RBM33: variants seen among roughly 807,000 people sequenced by gnomAD.
RBM33 encodes the protein RNA binding motif protein 33.
A neutral mutation model predicts 132.6 loss-of-function variants in RBM33; 28 were observed. The ratio of observed to expected loss-of-function variants is 0.21; its 90% CI spans 0.16 to 0.29. RBM33 has a LOEUF of 0.29. RBM33 is among the 10% of genes least tolerant of loss of function. RBM33 has a pLI of 1.00. For synonymous variants in RBM33, 634 were observed against 593.0 expected, an observed-to-expected ratio of 1.07 and a Z score of -1.01; for missense variants, 1,291 against 1,518.5, an observed-to-expected ratio of 0.85 and a Z score of 2.49.
intron 7 of RBM33, among the ~76,000 whole-genome samples, chr7:155,707,940 G>A (rs1180321553): frequency 1.3e-5 from 2 of 152,200 alleles, no homozygotes; most frequent in East Asian, 1.9e-4. Flanking sequence ...GATTACGGGC[G>A]TGAGCCACTG....
chr7:155,672,488 G>C (rs1166772876), intron 2 of RBM33, among the ~76,000 whole-genome samples: 1 of 152,200 alleles, frequency 6.6e-6, no homozygotes, highest in Non-Finnish European at 1.5e-5. Context: ...CGGGCATGGT[G>C]GCTCATGCCT....
chr7:155,667,587 C>T lies in RBM33; in HGVS notation c.122+2334C>T, dbSNP rs115194085. On this transcript the variant is annotated intron_variant, in intron 2 of 17. Coordinates refer to ENST00000401878, the MANE Select transcript of RBM33 (RefSeq NM_053043.3). Reference sequence around the variant, plus strand: ...GAATTCTGTAGCCTGTCTTTTATGACGTTGACAGGCCATTTATCTTGGGTT... The same window carrying T: ...GAATTCTGTAGCCTGTCTTTTATGATGTTGACAGGCCATTTATCTTGGGTT... Among the ~76,000 whole-genome samples, 823 of 152,198 alleles carry T rather than the reference C, an allele frequency of 5.4e-3. 8 individuals are homozygous for T. Among genetic ancestry groups the T allele is most frequent in the African/African-American group, 0.018 (753 of 41,520 alleles).
intron 9 of RBM33, among the ~76,000 whole-genome samples, chr7:155,734,947 C>G (rs564768554): frequency 1.3e-5 from 2 of 152,200 alleles, no homozygotes; most frequent in East Asian, 3.9e-4. Flanking sequence ...TATTGTCATT[C>G]AGAAAGTTTT....
At position 155,779,314 on chromosome 7, in the gene RBM33, A is replaced by C. The variant is rs1802733279; in HGVS notation, c.*4273A>C. 6.6e-6 allele frequency: 1 copy of C among 151,860 alleles called. No individual in the cohort carries two copies. Among genetic ancestry groups the C allele is most frequent in the Non-Finnish European group, 1.5e-5 (1 of 68,004 alleles). 9.4% of individuals were successfully genotyped at this position (151,860 alleles called of 1,614,324 possible). ...GACGATTCTACCAGGGAGTTGACTG[A>C]TAGGAGTGTGTGCAGGGCAGGAAAG... On this transcript the variant is annotated 3_prime_UTR_variant, in exon 18 of 18. Transcript: ENST00000401878.
Position 155,718,524 on chromosome 7 carries a change from G to T in RBM33, c.1260+81G>T, listed in dbSNP as rs76032843. The T allele has an allele frequency of 7.1e-6, 8 of 1,120,274 alleles. 1 individual carries two copies. Among genetic ancestry groups the T allele is most frequent in the Middle Eastern group, 2.1e-4 (1 of 4,702 alleles). 69.4% of individuals were successfully genotyped at this position (1,120,274 alleles called of 1,614,324 possible). On this transcript the variant is annotated intron_variant, in intron 9 of 17. Coordinates refer to ENST00000401878, the MANE Select transcript of RBM33 (RefSeq NM_053043.3). Reference sequence around the variant, plus strand: ...AATATTAATATAGCAAGTGCAAGAGGTTCCAGCCAAATATAATTTTAAGGA... The same window carrying T: ...AATATTAATATAGCAAGTGCAAGAGTTTCCAGCCAAATATAATTTTAAGGA...
intron 5 of RBM33, among the ~76,000 whole-genome samples, chr7:155,684,426 A>G (rs2116929413): frequency 6.6e-6 from 1 of 152,174 alleles, no homozygotes; most frequent in Middle Eastern, 3.4e-3. Context: ...TACGCCCCTT[A>G]AGTTTCATAC....
intron 13 of RBM33, 144 bp from the exon 14 acceptor site, chr7:155,744,817 A>T: frequency 1.3e-6 from 1 of 787,728 alleles, no homozygotes; most frequent in Non-Finnish European, 1.9e-6. Flanking sequence ...AGTTATACTT[A>T]AAGTCTTCAA....
At chr7:155,771,827 C>T (rs1479188118) in intron 16 of RBM33, among the ~76,000 whole-genome samples, 1 of 152,102 alleles carries the variant, frequency 6.6e-6, no homozygotes, top group East Asian at 1.9e-4. Flanking sequence ...GCAACCTCCA[C>T]CTGCTGGGCT....
At chr7:155,736,174 T>C (rs762125275) in intron 9 of RBM33, among the ~76,000 whole-genome samples, 9 of 152,346 alleles carry the variant, frequency 5.9e-5, no homozygotes, top group Non-Finnish European at 1.2e-4. Flanking sequence ...AACAGACTTT[T>C]GTAGGGAGAA....
intron 14 of RBM33, among the ~76,000 whole-genome samples, chr7:155,753,214 A>G (rs1483907034): frequency 2.0e-5 from 3 of 152,246 alleles, no homozygotes; most frequent in Non-Finnish European, 4.4e-5. Context: ...AAAAGCATGA[A>G]TCATTACTAA....
chr7:155,762,696 A>G (rs1802074832), intron 14 of RBM33, among the ~76,000 whole-genome samples: 1 of 152,180 alleles, frequency 6.6e-6, no homozygotes, highest in African/African-American at 2.4e-5. Context: ...TTTGGTAGGA[A>G]GAGCGGGACA....
chr7:155,766,674 C>T lies in RBM33; in HGVS notation c.3375+19C>T, dbSNP rs373969386. 4 of 1,599,774 alleles carry T rather than the reference C, an allele frequency of 2.5e-6. No homozygotes were observed. In the African/African-American group the frequency reaches 5.4e-5, roughly 21 times the overall value. ...CATTCAGGTAGCCGCCTGGGGGTGG[C>T]ATCTGTGCCACGGGTAGTTGTGTCC... On this transcript the variant is annotated intron_variant, in intron 16 of 17. Transcript: ENST00000401878.
rs554851908 is a variant in RBM33 at position 155,673,693 on chromosome 7, CATAT to C, written c.171+782_171+785del. ...ATACACACGTGTATATATATACACACATATATACATACACACGTGTATATATATA... is the reference window on the plus strand; with the variant it reads ...ATACACACGTGTATATATATACACACATACATACACACGTGTATATATATA... On this transcript the variant is annotated intron_variant, in intron 3 of 17. Transcript: ENST00000401878. 6.1e-5 allele frequency among the ~76,000 whole-genome samples: 8 copies of C among 130,946 alleles called. 1 individual carries two copies. In the East Asian group the frequency reaches 1.4e-3, roughly 22 times the overall value. 85.9% of individuals were successfully genotyped at this position (130,946 alleles called of 152,430 possible).
chr7:155,724,707 C>G (rs1800730166), intron 9 of RBM33, among the ~76,000 whole-genome samples: 1 of 152,158 alleles, frequency 6.6e-6, no homozygotes, highest in African/African-American at 2.4e-5. Context: ...CCTCTCCCTA[C>G]CGGCCCCTGG....
chr7:155,700,546 C>CTTTTTTTTTTTTTTTT (rs529323301), intron 5 of RBM33, among the ~76,000 whole-genome samples: 2 of 85,582 alleles, frequency 2.3e-5, no homozygotes, highest in Admixed American at 1.3e-4. Flanking sequence ...AGAATTTGAC[C>CTTTTTTTTTTTTTTTT]TTTTTTTTTT....
At chr7:155,744,938 A>G (rs1801462958) in intron 13 of RBM33, 23 bp from the exon 14 acceptor site, 2 of 1,529,208 alleles carry the variant, frequency 1.3e-6, no homozygotes, top group Admixed American at 4.4e-5. Context: ...AGCAAAGTAA[A>G]CCGTGTATGT....
intron 16 of RBM33, among the ~76,000 whole-genome samples, chr7:155,772,640 A>G (rs140835215): frequency 3.0e-4 from 45 of 152,212 alleles, no homozygotes; most frequent in Non-Finnish European, 3.1e-4. Context: ...TTTTGTATTC[A>G]TTTTTTATTT....
intron 1 of RBM33, among the ~76,000 whole-genome samples, chr7:155,646,856 C>T (rs1225128482): frequency 1.3e-5 from 2 of 152,340 alleles, no homozygotes; most frequent in Middle Eastern, 3.4e-3. Flanking sequence ...ACCATGCGTT[C>T]CACGTGTTCC....
chr7:155,700,444 G>A (rs555500702), intron 5 of RBM33, among the ~76,000 whole-genome samples: 1 of 151,266 alleles, frequency 6.6e-6, no homozygotes, highest in Non-Finnish European at 1.5e-5. Flanking sequence ...TAAACTCAAA[G>A]CAATAAGTCC....
Sources: gnomAD v4.1 joint callset for allele counts (sites outside exome capture counted in the v4.1 genomes callset) on GRCh38, gnomAD v4.1.1 for gene constraint, MANE v1.5 for transcripts, NCBI Gene and HGNC (gene_info 2026-07-23, HGNC 2026-07-21) for gene names.